The following BTBD8 variants were observed in gnomAD, a reference collection of about 807,000 sequenced individuals.
BTBD8 encodes BTB/POZ domain-containing protein 8.
BTBD8 carries 110 observed loss-of-function variants against 162.9 expected under a neutral mutation model. The observed-to-expected ratio is 0.68, with a 90% CI of 0.58 to 0.79. The LOEUF (loss-of-function observed/expected upper bound fraction) is 0.79, where lower values mean the gene tolerates loss of function less well. Ranked by LOEUF, BTBD8 falls within the 30% of genes least tolerant of loss-of-function variation. The pLI is 0.00. For synonymous variants in BTBD8, 667 were observed against 716.1 expected, an observed-to-expected ratio of 0.93 and a Z score of 1.10; for missense variants, 1,905 against 2,085.4, an observed-to-expected ratio of 0.91 and a Z score of 1.68.
In BTBD8 at chr1:92,147,805, C is replaced by G; in HGVS notation, c.1122+19C>G. 6.4e-7 allele frequency: 1 copy of G among 1,561,196 alleles called. No individual in the cohort carries two copies. Among genetic ancestry groups the G allele is most frequent in the South Asian group, 1.2e-5 (1 of 85,830 alleles). On this transcript the variant is annotated intron_variant, in intron 9 of 17. Transcript: ENST00000636805. The stretch of plus-strand genomic sequence containing the variant: ...GTCCTTAGTAAGTATAACCTGAATA[C>G]TCTTTTGTGTGTTTGCCATTAAAAA...
At chr1:92,122,339 A>G (rs1459709834) in intron 4 of BTBD8, among the ~76,000 whole-genome samples, 1 of 151,298 alleles carries the variant, frequency 6.6e-6, no homozygotes, top group African/African-American at 2.4e-5. Context: ...GCTCACTGCA[A>G]CCTCCGCTTC....
chr1:92,134,610 C>T (rs1267088683), intron 5 of BTBD8, among the ~76,000 whole-genome samples: 1 of 152,196 alleles, frequency 6.6e-6, no homozygotes, highest in East Asian at 1.9e-4. Context: ...GTTACTCTCT[C>T]TTATATAATC....
rs192455752 is a variant in BTBD8 at position 92,134,552 on chromosome 1, A to T, written c.752+4776A>T. On this transcript the variant is annotated intron_variant, in intron 5 of 17. Transcript: ENST00000636805. The stretch of plus-strand genomic sequence containing the variant: ...TCATGCATGAAATCTCAGATCAAGC[A>T]TCACCTTCCCAGACTGTCACCTAAT... Among the ~76,000 whole-genome samples, 61 of 152,312 alleles carry T rather than the reference A, an allele frequency of 4.0e-4. No individual in the cohort carries two copies. The East Asian group carries it at 0.011, about 28-fold the overall frequency.
At chr1:92,108,524 T>G (rs1299985787) in intron 4 of BTBD8, among the ~76,000 whole-genome samples, 1 of 152,360 alleles carries the variant, frequency 6.6e-6, no homozygotes, top group Non-Finnish European at 1.5e-5. Flanking sequence ...GGAGGTTTAA[T>G]ATTTCAATGT....
intron 13 of BTBD8, among the ~76,000 whole-genome samples, chr1:92,175,477 CAAAAAAA>C (rs71091265): frequency 3.7e-4 from 14 of 37,458 alleles, no homozygotes; most frequent in East Asian, 1.2e-3. Context: ...GACTCCATCT[CAAAAAAA>C]AAAAAAAAAA....
At chr1:92,123,184 A>G (rs142591169) in intron 4 of BTBD8, among the ~76,000 whole-genome samples, 4 of 152,266 alleles carry the variant, frequency 2.6e-5, no homozygotes, top group Admixed American at 6.5e-5. Flanking sequence ...TTGGACTCTC[A>G]ATTCTGTTCC....
rs1650457346 is a variant in BTBD8, at chr1:92,168,877, C to T, written c.1455C>T (p.Cys485=). 3 of 1,520,976 alleles carry T rather than the reference C, an allele frequency of 2.0e-6. No individual in the cohort carries two copies. The East Asian group carries it at 7.4e-5, about 38-fold the overall frequency. 94.2% of individuals were successfully genotyped at this position (1,520,976 alleles called of 1,614,324 possible). Residue 485 remains cysteine (C), a synonymous_variant, in exon 12 of 18, where the codon TGC becomes TGT. Coordinates refer to ENST00000636805, the MANE Select transcript of BTBD8 (RefSeq NM_001376131.1). ...TTGCTTGAACACAGGGTTTTACGTGCAAGATCCAGGCTCTGCGTGATAAGC... is the reference window on the plus strand; with the variant it reads ...TTGCTTGAACACAGGGTTTTACGTGTAAGATCCAGGCTCTGCGTGATAAGC... The part of the protein sequence containing the change: ...SDSTKEMGFT[C]KIQALRDKLW...
At chr1:92,143,554 A>G (rs1275510134) in intron 7 of BTBD8, among the ~76,000 whole-genome samples, 1 of 152,112 alleles carries the variant, frequency 6.6e-6, no homozygotes, top group African/African-American at 2.4e-5. Context: ...CTTGTTGCCT[A>G]GGCTGGAGTG....
chr1:92,164,654 G>T (rs1650344528), intron 9 of BTBD8, among the ~76,000 whole-genome samples: 1 of 147,968 alleles, frequency 6.8e-6, no homozygotes, highest in Non-Finnish European at 1.5e-5. Context: ...CTCCTGCCTG[G>T]GTGACAGAGC....
intron 4 of BTBD8, among the ~76,000 whole-genome samples, chr1:92,129,411 A>G (rs1649451518): frequency 6.6e-6 from 1 of 151,992 alleles, no homozygotes; most frequent in Non-Finnish European, 1.5e-5. Context: ...ACGTGAGTCT[A>G]GGAGTTCAGG....
chr1:92,127,191 G>A (rs954863569), intron 4 of BTBD8, among the ~76,000 whole-genome samples: 1 of 152,150 alleles, frequency 6.6e-6, no homozygotes, highest in African/African-American at 2.4e-5. Context: ...CATAGACTGC[G>A]AATATTGGTT....
chr1:92,155,694 T>C (rs1174732756), intron 9 of BTBD8, among the ~76,000 whole-genome samples: 1 of 152,224 alleles, frequency 6.6e-6, no homozygotes, highest in East Asian at 1.9e-4. Context: ...ATTTTACTCT[T>C]TGGTGCTATT....
rs1650848518 is a variant in BTBD8, at chr1:92,180,414, A to C, written c.2731A>C (p.Lys911Gln). 1 of 1,551,636 alleles carries C rather than the reference A, an allele frequency of 6.4e-7. No individual in the cohort carries two copies. The highest frequency in any genetic ancestry group is 2.0e-5 in the Admixed American group (1 of 51,006). Reference sequence around the variant, plus strand: ...CAAGCAAGTACACACAGCTTTGCCTAAGGTTAATGCAAAAATAGTGGCAAT... The same window carrying C: ...CAAGCAAGTACACACAGCTTTGCCTCAGGTTAATGCAAAAATAGTGGCAAT... ...MVKQVHTALP[K>Q]VNAKIVAMPK... is the part of the protein sequence containing the mutation. Residue 911 changes from lysine to glutamine, a missense_variant, in exon 17 of 18, where the codon AAG (lysine) becomes CAG (glutamine). By Grantham distance (53) the Lys-to-Gln change is moderately conservative. Transcript: ENST00000636805.
At chr1:92,153,997 T>A (rs1310066753) in intron 9 of BTBD8, among the ~76,000 whole-genome samples, 2 of 152,142 alleles carry the variant, frequency 1.3e-5, no homozygotes, top group East Asian at 3.9e-4. Context: ...TTTGGTGCCA[T>A]CCCCATGGTG....
At chr1:92,110,756 G>A (rs1341256734) in intron 4 of BTBD8, among the ~76,000 whole-genome samples, 2 of 152,060 alleles carry the variant, frequency 1.3e-5, no homozygotes, top group African/African-American at 4.8e-5. Flanking sequence ...TGTTTGCCAG[G>A]ATGGTCTCGA....
chr1:92,095,929 C>T (rs145007783), intron 2 of BTBD8, among the ~76,000 whole-genome samples: 2 of 152,184 alleles, frequency 1.3e-5, no homozygotes, highest in Non-Finnish European at 2.9e-5. Flanking sequence ...GACTTCAACT[C>T]TAATAATTCA....
At chr1:92,115,804 A>G (rs1002351632) in intron 4 of BTBD8, 12 of 205,806 alleles carry the variant, frequency 5.8e-5, no homozygotes. Context: ...CACTTTTACC[A>G]TGATGTCTCA....
rs574501287 is a variant in BTBD8 at position 92,180,804 on chromosome 1, G to T, written c.3121G>T (p.Glu1041Ter). 1 of 1,551,512 alleles carries T rather than the reference G, an allele frequency of 6.4e-7. No individual in the cohort carries two copies. Among genetic ancestry groups the T allele is most frequent in the South Asian group, 1.2e-5 (1 of 84,018 alleles). Residue 1041 changes from glutamate (E) to a stop codon, truncating the protein, a stop_gained, in exon 17 of 18, where the codon GAA becomes TAA. Coordinates refer to ENST00000636805, the MANE Select transcript of BTBD8 (RefSeq NM_001376131.1). LOFTEE classifies it high-confidence loss of function. ...AAAGCTGGATAAATCATTAAAACAC[G>T]AACTGGAATCAAAACAGATTTGTTT... ...ISKLDKSLKHELESKQICLDK... is the reference protein window; with the variant it reads ...ISKLDKSLKH
chr1:92,093,501 A>G (rs1648370949), intron 2 of BTBD8, among the ~76,000 whole-genome samples: 2 of 152,104 alleles, frequency 1.3e-5, no homozygotes, highest in East Asian at 1.9e-4. Flanking sequence ...CGAAATACCA[A>G]TTTTAAAGTG....
Sources: allele counts gnomAD v4.1 joint callset (sites outside exome capture counted in the v4.1 genomes callset), GRCh38; gene constraint gnomAD v4.1.1; transcripts MANE v1.5; gene names NCBI Gene and HGNC (gene_info 2026-07-23, HGNC 2026-07-21).